Variants in FH observed in about 807,000 individuals in gnomAD.
FH encodes fumarate hydratase, mitochondrial.
FH carries 22 observed loss-of-function variants against 49.4 expected under a neutral mutation model. The ratio of observed to expected loss-of-function variants is 0.45; its 90% confidence interval spans 0.32 to 0.64. The LOEUF (loss-of-function observed/expected upper bound fraction) is 0.64, where lower values mean the gene tolerates loss of function less well. Among genes scored for constraint, FH ranks in the 30% least tolerant of loss-of-function variants. FH has a pLI of 0.05. For synonymous variants in FH, 208 were observed against 223.0 expected, an observed-to-expected ratio of 0.93 and a Z score of 0.60; for missense variants, 526 against 641.5, an observed-to-expected ratio of 0.82 and a Z score of 1.95.
chr1:241,504,931 CAG>C lies in FH; in HGVS notation c.905-688_905-687del, dbSNP rs367651296. ...TTTTTTCTTTTTTTTTTTTTTGAGACAGAGTCTTGCTTTTTTAGCCAGGCTGG... is the reference window on the plus strand; with the variant it reads ...TTTTTTCTTTTTTTTTTTTTTGAGACAGTCTTGCTTTTTTAGCCAGGCTGG... On this transcript the variant is annotated intron_variant, in intron 6 of 9. Coordinates refer to ENST00000366560, the MANE Select transcript of FH (RefSeq NM_000143.4). 1.9e-4 allele frequency among the ~76,000 whole-genome samples: 27 copies of C among 145,482 alleles called. No individual in the cohort carries two copies. The East Asian group carries it at 4.5e-3, about 24-fold the overall frequency.
chr1:241,512,206 G>A lies in FH; in HGVS notation c.379-63C>T, dbSNP rs193035348. 1,147 of 1,442,924 alleles carry A rather than the reference G, an allele frequency of 7.9e-4. 6 individuals are homozygous for A. The highest frequency in any genetic ancestry group is 3.0e-3 in the Middle Eastern group (17 of 5,674). The allele number at this position is 1,442,924 out of a possible 1,614,324, so 89.4% of individuals were successfully genotyped here. The stretch of plus-strand genomic sequence containing the variant: ...AAATAATAATGCTGATTATGCCACA[G>A]AGTTTGAATACAGTTGACCCACATA... On this transcript the variant is annotated intron_variant, in intron 3 of 9. Coordinates refer to ENST00000366560, the MANE Select transcript of FH (RefSeq NM_000143.4).
At chr1:241,508,946 A>C (rs940176647) in intron 4 of FH, among the ~76,000 whole-genome samples, 161 bp from the exon 5 acceptor site, 1 of 152,084 alleles carries the variant, frequency 6.6e-6, no homozygotes, top group African/African-American at 2.4e-5. Flanking sequence ...TTATTATAGA[A>C]TCAAATAAGC....
chr1:241,502,307 A>C (rs1187956085), intron 8 of FH, 136 bp downstream of exon 8: 3 of 939,404 alleles, frequency 3.2e-6, no homozygotes, highest in Non-Finnish European at 5.0e-6. Flanking sequence ...TGGTAACTTA[A>C]TAAATGCTTG....
At chr1:241,510,729 T>C (rs1342568093) in intron 4 of FH, among the ~76,000 whole-genome samples, 4 of 152,204 alleles carry the variant, frequency 2.6e-5, no homozygotes, top group Admixed American at 2.6e-4. Context: ...GTGATTTTAA[T>C]GTAAGCCCAA....
At chr1:241,502,041 G>A (rs936501062) in intron 8 of FH, among the ~76,000 whole-genome samples, 1 of 152,146 alleles carries the variant, frequency 6.6e-6, no homozygotes, top group Non-Finnish European at 1.5e-5. Flanking sequence ...ATGCCAGCTG[G>A]ACTGAGGTAG....
chr1:241,513,510 C>T (rs1660141131), intron 3 of FH, 93 bp downstream of exon 3: 2 of 946,140 alleles, frequency 2.1e-6, no homozygotes, highest in Non-Finnish European at 3.5e-6. Flanking sequence ...TTCAAGAATT[C>T]ACAGTTCCCC....
intron 7 of FH, among the ~76,000 whole-genome samples, chr1:241,503,010 T>C (rs527605925): frequency 6.6e-6 from 1 of 152,294 alleles, no homozygotes; most frequent in South Asian, 2.1e-4. Flanking sequence ...GGAGGCTTCC[T>C]AGGGGAAGGT....
At position 241,512,007 on chromosome 1, in the gene FH, T is replaced by G; in HGVS notation, c.515A>C (p.Lys172Thr). 6.2e-7 allele frequency: 1 copy of G among 1,614,062 alleles called. No homozygotes were observed. Among genetic ancestry groups the G allele is most frequent in the Non-Finnish European group, 8.5e-7 (1 of 1,179,956 alleles). Reference protein sequence around the residue: ...IEMLGGELGSKIPVHPNDHVN... With the variant: ...IEMLGGELGSTIPVHPNDHVN... Reference sequence around the variant, plus strand: ...ATGATCGTTGGGATGCACAGGTATCTTGCTGCCAAGTTCACCTCCTAACAT... The same window carrying G: ...ATGATCGTTGGGATGCACAGGTATCGTGCTGCCAAGTTCACCTCCTAACAT... Residue 172 changes from lysine (K) to threonine (T), a missense_variant, in exon 4 of 10, where the codon AAG (lysine) becomes ACG (threonine). By Grantham distance (78) the Lys-to-Thr change is moderately conservative. Transcript: ENST00000366560.
chr1:241,506,200 A>G, intron 5 of FH, 32 bp from the exon 6 acceptor site: 2 of 1,524,842 alleles, frequency 1.3e-6, no homozygotes. Context: ...GGTAAGAATA[A>G]GTAATTCCTA....
At chr1:241,509,822 C>G (rs1206053906) in intron 4 of FH, among the ~76,000 whole-genome samples, 1 of 148,526 alleles carries the variant, frequency 6.7e-6, no homozygotes, top group African/African-American at 2.5e-5. Context: ...CACACACACA[C>G]ACGCATGCAC....
intron 5 of FH, among the ~76,000 whole-genome samples, chr1:241,506,457 A>T (rs184159691): frequency 6.6e-6 from 1 of 152,340 alleles, no homozygotes; most frequent in East Asian, 1.9e-4. Context: ...AATACACTTT[A>T]AAAAGAACAA....
chr1:241,515,720 C>T (rs777400730), intron 2 of FH, among the ~76,000 whole-genome samples: 3 of 152,228 alleles, frequency 2.0e-5, no homozygotes, highest in Non-Finnish European at 4.4e-5. Context: ...CCTGCATTGA[C>T]TATTTTTCAT....
intron 3 of FH, among the ~76,000 whole-genome samples, 193 bp from the exon 4 acceptor site, chr1:241,512,336 G>T (rs1299162406): frequency 6.6e-6 from 1 of 152,130 alleles, no homozygotes; most frequent in African/African-American, 2.4e-5. Flanking sequence ...AATGAAAAGG[G>T]AATCAAAGGT....
rs1660323820 is a variant in FH, at chr1:241,519,701, G to A, written c.22C>T (p.Leu8Phe). ...CGCACGAGGGGACGCGAGCGCGCGA[G>A]GAGCCGAAGTGCTCGGTACATGGTG... MYRALRL[L>F]ARSRPLVRAP... Residue 8 changes from leucine (L) to phenylalanine (F), a missense_variant, in exon 1 of 10, where the codon CTC becomes TTC. Physicochemically the swap from Leu to Phe is conservative, Grantham distance 22 (BLOSUM62 0). Transcript: ENST00000366560. 1 of 1,546,848 alleles carries A rather than the reference G, an allele frequency of 6.5e-7. No homozygotes were observed. The highest frequency in any genetic ancestry group is 8.7e-7 in the Non-Finnish European group (1 of 1,145,756).
intron 2 of FH, among the ~76,000 whole-genome samples, chr1:241,516,007 G>C (rs1335898): frequency 0.62 from 93,558 of 152,012 alleles, 29,824 homozygotes; most frequent in South Asian, 0.76. Context: ...ATGGTTAAGA[G>C]TAATACTTTG....
chr1:241,512,246 G>A (rs1016298854), intron 3 of FH, 103 bp from the exon 4 acceptor site: 10 of 956,540 alleles, frequency 1.0e-5, no homozygotes, highest in Non-Finnish European at 1.5e-5. Context: ...AGCTTCTGAA[G>A]CATCACTTGC....
chr1:241,497,928 T>G lies in FH; in HGVS notation c.1433A>C (p.Asn478Thr), dbSNP rs201886827. ...AGCAGTTTCCTTTAAGGTTGATCCATTTTTGTGTGCTGTCTTAGCAATCTT... is the reference window on the plus strand; with the variant it reads ...AGCAGTTTCCTTTAAGGTTGATCCAGTTTTGTGTGCTGTCTTAGCAATCTT... Reference protein sequence around the residue: ...AAKIAKTAHKNGSTLKETAIE... With the variant: ...AAKIAKTAHKTGSTLKETAIE... The change falls in exon 10 of 10, where the codon AAT becomes ACT. Residue 478 changes from asparagine (N) to threonine (T), a missense_variant. Around this residue, in one of 2 missense-constraint regions of FH, gnomAD observed 383 missense variants for 514.0 expected, o/e 0.75. Coordinates refer to ENST00000366560, the MANE Select transcript of FH (RefSeq NM_000143.4). 2 of 1,613,670 alleles carry G rather than the reference T, an allele frequency of 1.2e-6. No homozygotes were observed. The highest frequency in any genetic ancestry group is 2.2e-5 in the South Asian group (2 of 91,076).
chr1:241,500,724 T>A (rs543506404), intron 8 of FH, 134 bp from the exon 9 acceptor site: 16 of 1,259,586 alleles, frequency 1.3e-5, no homozygotes, highest in African/African-American at 1.5e-5. Context: ...AACATATAGA[T>A]CTTCTACAAA....
In FH at chr1:241,517,242, G is replaced by A. The variant is rs370392829; in HGVS notation, c.207C>T (p.Gly69=). The change falls in exon 2 of 10, where the codon GGC becomes GGT. Residue 69 remains glycine, a synonymous_variant. Coordinates refer to ENST00000366560, the MANE Select transcript of FH (RefSeq NM_000143.4). ...ELKVPNDKYY[G]AQTVRSTMNF... Reference sequence around the variant, plus strand: ...TCATCGTAGATCTCACGGTCTGGGCGCCATAATACTTATCATTTGGCACCT... The same window carrying A: ...TCATCGTAGATCTCACGGTCTGGGCACCATAATACTTATCATTTGGCACCT... 1.9e-5 allele frequency: 30 copies of A among 1,613,910 alleles called. No individual in the cohort carries two copies. The highest frequency in any genetic ancestry group is 3.3e-5 in the Admixed American group (2 of 59,994).
Sources: allele counts gnomAD v4.1 joint callset (sites outside exome capture counted in the v4.1 genomes callset), GRCh38; gene constraint gnomAD v4.1.1; regional missense constraint gnomAD v4.1.1; transcripts MANE v1.5; gene names NCBI Gene and HGNC (gene_info 2026-07-23, HGNC 2026-07-21).